Variants in ZNF385D observed in about 807,000 individuals in gnomAD.
ZNF385D encodes zinc finger protein 385D.
In ZNF385D, 15 loss-of-function variants were observed where a neutral mutation model predicts 35.8. The observed-to-expected ratio is 0.42, with a 90% CI of 0.28 to 0.64. ZNF385D has a LOEUF of 0.64. Among genes scored for constraint, ZNF385D ranks in the 30% least tolerant of loss-of-function variants. ZNF385D has a pLI of 0.23. For synonymous variants in ZNF385D, 212 were observed against 186.8 expected, an observed-to-expected ratio of 1.13 and a Z score of -1.10; for missense variants, 474 against 494.6, an observed-to-expected ratio of 0.96 and a Z score of 0.39.
At chr3:22,071,997 A>G (rs778013679) in intron 3 of ZNF385D, among the ~76,000 whole-genome samples, 1 of 152,144 alleles carries the variant, frequency 6.6e-6, no homozygotes, top group East Asian at 1.9e-4. Context: ...AGAAAAAAAG[A>G]TACATAATTC....
chr3:22,028,225 C>G (rs898515086), intron 3 of ZNF385D, among the ~76,000 whole-genome samples: 1 of 152,114 alleles, frequency 6.6e-6, no homozygotes, highest in African/African-American at 2.4e-5. Flanking sequence ...GTGATATTAA[C>G]CAACATGTGA....
At chr3:21,652,271 C>G (rs1294146210) in intron 2 of ZNF385D, among the ~76,000 whole-genome samples, 1 of 151,950 alleles carries the variant, frequency 6.6e-6, no homozygotes, top group Non-Finnish European at 1.5e-5. Context: ...TTATATAGTT[C>G]TACTATAAGG....
chr3:22,076,298 AT>A (rs1298014575), intron 3 of ZNF385D, among the ~76,000 whole-genome samples: 1 of 151,826 alleles, frequency 6.6e-6, no homozygotes, highest in Non-Finnish European at 1.5e-5. Context: ...CCGACTTCTC[AT>A]GTCCTACCCA....
At chr3:21,853,466 G>A (rs373119571) in intron 3 of ZNF385D, among the ~76,000 whole-genome samples, 13 of 149,820 alleles carry the variant, frequency 8.7e-5, no homozygotes, top group African/African-American at 3.2e-4. Context: ...AATGCTAAAG[G>A]TTTCAAGTGT....
chr3:22,136,457 T>TA (rs1017339762), intron 3 of ZNF385D, among the ~76,000 whole-genome samples: 1 of 151,624 alleles, frequency 6.6e-6, no homozygotes, highest in Non-Finnish European at 1.5e-5. Context: ...AACACATTGC[T>TA]AAAAAATGAC....
At chr3:22,114,441 T>C (rs1702706484) in intron 3 of ZNF385D, among the ~76,000 whole-genome samples, 1 of 152,088 alleles carries the variant, frequency 6.6e-6, no homozygotes, top group Admixed American at 6.6e-5. Flanking sequence ...ATGTTTTACA[T>C]TGTGTTTTCC....
At chr3:22,244,750 T>C (rs777151439) in intron 2 of ZNF385D, among the ~76,000 whole-genome samples, 1 of 151,040 alleles carries the variant, frequency 6.6e-6, no homozygotes, top group South Asian at 2.2e-4. Flanking sequence ...GCCTCAGGTA[T>C]ATTAAAAAGT....
intron 2 of ZNF385D, among the ~76,000 whole-genome samples, chr3:21,611,618 TG>T (rs1425728030): frequency 6.6e-6 from 1 of 152,210 alleles, no homozygotes; most frequent in Non-Finnish European, 1.5e-5. Flanking sequence ...AAGTACATTA[TG>T]TTAAAAATAT....
chr3:22,176,315 C>T (rs1165621317), intron 2 of ZNF385D, among the ~76,000 whole-genome samples: 1 of 152,134 alleles, frequency 6.6e-6, no homozygotes, highest in African/African-American at 2.4e-5. Context: ...AACTGTTTGT[C>T]ACATGTTATC....
chr3:22,250,289 T>C (rs1195086100), intron 2 of ZNF385D, among the ~76,000 whole-genome samples: 1 of 152,140 alleles, frequency 6.6e-6, no homozygotes, highest in African/African-American at 2.4e-5. Flanking sequence ...AAAAGTCTTT[T>C]TATTTATTTT....
chr3:22,070,230 A>T (rs953640387), intron 3 of ZNF385D, among the ~76,000 whole-genome samples: 3 of 152,122 alleles, frequency 2.0e-5, no homozygotes, highest in African/African-American at 7.2e-5. Context: ...CTTAAAGCAC[A>T]ATTTAAGTCC....
intron 4 of ZNF385D, among the ~76,000 whole-genome samples, chr3:21,480,457 G>A (rs902405710): frequency 6.6e-6 from 1 of 152,178 alleles, no homozygotes; most frequent in East Asian, 1.9e-4. Context: ...GGAACCCCAG[G>A]AGGATGAGTT....
intron 2 of ZNF385D, among the ~76,000 whole-genome samples, chr3:21,622,674 G>A (rs529675045): frequency 1.3e-5 from 2 of 152,128 alleles, no homozygotes; most frequent in African/African-American, 4.8e-5. Flanking sequence ...CATCCATATA[G>A]TTCAAGAAGT....
chr3:21,699,731 TTTC>T (rs2067604628), intron 1 of ZNF385D, among the ~76,000 whole-genome samples: 1 of 151,842 alleles, frequency 6.6e-6, no homozygotes, highest in Non-Finnish European at 1.5e-5. Context: ...TTAAATTAAT[TTTC>T]CTTGTTTTGC....
chr3:21,818,715 C>T (rs1416267204), intron 3 of ZNF385D, among the ~76,000 whole-genome samples: 1 of 151,972 alleles, frequency 6.6e-6, no homozygotes, highest in African/African-American at 2.4e-5. Flanking sequence ...TATATGGCCT[C>T]TATTAGGTCA....
At chr3:21,878,941 A>T (rs756352421) in intron 3 of ZNF385D, among the ~76,000 whole-genome samples, 10 of 152,020 alleles carry the variant, frequency 6.6e-5, no homozygotes, top group Non-Finnish European at 1.2e-4. Context: ...CCCTAAAGCT[A>T]TTTTATAAAA....
At chr3:22,244,705 C>A (rs1445106618) in intron 2 of ZNF385D, among the ~76,000 whole-genome samples, 1 of 151,078 alleles carries the variant, frequency 6.6e-6, no homozygotes, top group Non-Finnish European at 1.5e-5. Context: ...GCTGAATTTA[C>A]TATTTCAGAA....
intron 3 of ZNF385D, among the ~76,000 whole-genome samples, chr3:21,882,921 T>C (rs905425622): frequency 1.3e-5 from 2 of 152,016 alleles, no homozygotes; most frequent in Non-Finnish European, 2.9e-5. Context: ...ATTAAGATGA[T>C]TATGCTAATA....
chr3:21,722,203 CA>C (rs2068572078), intron 1 of ZNF385D, among the ~76,000 whole-genome samples: 1 of 152,072 alleles, frequency 6.6e-6, no homozygotes. Context: ...CAGCCCCCAG[CA>C]AAGTTGCTGT....
Sources: gnomAD v4.1 joint callset for allele counts (sites outside exome capture counted in the v4.1 genomes callset) on GRCh38, gnomAD v4.1.1 for gene constraint, MANE v1.5 for transcripts, NCBI Gene and HGNC (gene_info 2026-07-23, HGNC 2026-07-21) for gene names.